The following CEP135 variants were observed in gnomAD, a reference collection of about 807,000 sequenced individuals.
CEP135 encodes centrosomal protein of 135 kDa.
Under a neutral mutation model 157.3 loss-of-function variants are expected in CEP135, and 142 were observed. The observed-to-expected ratio is 0.90, with a 90% CI of 0.79 to 1.04. CEP135 has a LOEUF of 1.04. Among genes scored for constraint, CEP135 ranks in the 50% least tolerant of loss-of-function variants. The pLI is 0.00. For synonymous variants in CEP135, 396 were observed against 439.8 expected, an observed-to-expected ratio of 0.90 and a Z score of 1.25; for missense variants, 1,317 against 1,309.2, an observed-to-expected ratio of 1.01 and a Z score of -0.09.
chr4:55,950,819 T>C (rs1030688531), intron 1 of CEP135, among the ~76,000 whole-genome samples: 2 of 152,172 alleles, frequency 1.3e-5, no homozygotes, highest in Admixed American at 6.5e-5. Context: ...AGTGTACTAT[T>C]TGAAAAGTAA....
At chr4:55,965,540 T>G (rs767544588) in intron 7 of CEP135, 104 bp from the exon 8 acceptor site, 47 of 759,810 alleles carry the variant, frequency 6.2e-5, no homozygotes, top group Non-Finnish European at 9.8e-5. Context: ...AGTTTTAATC[T>G]TCAATAATTT....
chr4:56,000,406 A>G (rs1321385512), intron 17 of CEP135, among the ~76,000 whole-genome samples: 1 of 152,072 alleles, frequency 6.6e-6, no homozygotes, highest in African/African-American at 2.4e-5. Context: ...AACTGGAGTC[A>G]CCCTATTGAT....
intron 11 of CEP135, among the ~76,000 whole-genome samples, chr4:55,977,400 G>A (rs950283766): frequency 2.0e-5 from 3 of 152,148 alleles, no homozygotes; most frequent in African/African-American, 7.2e-5. Context: ...CTTTGCAATT[G>A]GAGCCTAACA....
intron 10 of CEP135, among the ~76,000 whole-genome samples, chr4:55,973,280 G>C (rs58522560): frequency 6.6e-6 from 1 of 152,140 alleles, no homozygotes; most frequent in Admixed American, 6.5e-5. Context: ...ACTGCTCAGC[G>C]CTGTATGGAA....
chr4:55,953,394 G>A, intron 3 of CEP135, 119 bp downstream of exon 3: 1 of 718,574 alleles, frequency 1.4e-6, no homozygotes, highest in Admixed American at 3.8e-5. Context: ...CCTACAGCTG[G>A]ATGGTGTGTG....
intron 25 of CEP135, among the ~76,000 whole-genome samples, chr4:56,028,364 A>T (rs1731223066): frequency 1.3e-5 from 2 of 152,208 alleles, no homozygotes. Context: ...TGTTCTCCAC[A>T]TCGTCACCAA....
At chr4:55,952,987 G>C in intron 2 of CEP135, 98 bp from the exon 3 acceptor site, 1 of 995,176 alleles carries the variant, frequency 1.0e-6, no homozygotes, top group Admixed American at 3.6e-5. Context: ...GTCATCATGT[G>C]GTGCATGACT....
rs114342368 is a variant in CEP135, at chr4:55,998,033, G to A, written c.2010-1269G>A. On this transcript the variant is annotated intron_variant, in intron 15 of 25. Coordinates refer to ENST00000257287, the MANE Select transcript of CEP135 (RefSeq NM_025009.5). ...CATTCACTTGCTGTTAGAACAGTCA[G>A]GGTCATGTGTTTTGTCTTTCAGAAT... Among the ~76,000 whole-genome samples the A allele has an allele frequency of 2.8e-3, 432 of 152,266 alleles. 3 individuals carry two copies. The highest frequency in any genetic ancestry group is 9.8e-3 in the African/African-American group (407 of 41,546).
chr4:55,952,802 A>G (rs772181534), intron 2 of CEP135, among the ~76,000 whole-genome samples: 3 of 152,232 alleles, frequency 2.0e-5, no homozygotes, highest in Non-Finnish European at 4.4e-5. Flanking sequence ...AATTGTTAAC[A>G]CAGTGGTGCC....
intron 24 of CEP135, among the ~76,000 whole-genome samples, chr4:56,023,243 G>A (rs1458760582): frequency 2.0e-5 from 3 of 151,440 alleles, no homozygotes; most frequent in Non-Finnish European, 4.4e-5. Context: ...GAGAGAATTA[G>A]TAACCCTAGC....
chr4:55,971,383 A>T lies in CEP135; in HGVS notation c.1224A>T (p.Lys408Asn), dbSNP rs1202323114. The T allele has an allele frequency of 6.3e-6, 10 of 1,598,560 alleles. No individual in the cohort carries two copies. The highest frequency in any genetic ancestry group is 8.5e-6 in the Non-Finnish European group (10 of 1,175,154). Residue 408 changes from lysine to asparagine, a missense_variant, in exon 10 of 26, where the codon AAA becomes AAT. Transcript: ENST00000257287. ...QLEQEKQRLS[K>N]KVESFAVTER... ...AACAAGAAAAGCAAAGACTTAGCAAAAAAGTTGAAAGTTTTGCAGTTACAG... is the reference window on the plus strand; with the variant it reads ...AACAAGAAAAGCAAAGACTTAGCAATAAAGTTGAAAGTTTTGCAGTTACAG...
intron 24 of CEP135, among the ~76,000 whole-genome samples, chr4:56,023,400 C>T (rs974197429): frequency 6.6e-6 from 1 of 151,930 alleles, no homozygotes; most frequent in Non-Finnish European, 1.5e-5. Flanking sequence ...AAGGGTCTAG[C>T]ATCTGGGCAT....
intron 13 of CEP135, among the ~76,000 whole-genome samples, chr4:55,981,946 C>T (rs958252131): frequency 1.8e-4 from 28 of 152,126 alleles, no homozygotes; most frequent in African/African-American, 6.8e-4. Flanking sequence ...TCCACAGGCT[C>T]CTCAACTTAT....
chr4:55,952,764 G>A (rs1217615237), intron 2 of CEP135, among the ~76,000 whole-genome samples: 1 of 152,156 alleles, frequency 6.6e-6, no homozygotes, highest in East Asian at 1.9e-4. Context: ...AACCTGTATA[G>A]CATGTTACTA....
intron 7 of CEP135, chr4:55,964,795 C>G (rs918823981): frequency 1.3e-5 from 2 of 151,110 alleles, no homozygotes; most frequent in Non-Finnish European, 3.0e-5. Context: ...ATGGTTTTCT[C>G]TTTTTCTTTT....
intron 17 of CEP135, among the ~76,000 whole-genome samples, chr4:56,004,335 C>T (rs1449878470): frequency 1.3e-5 from 2 of 152,166 alleles, no homozygotes; most frequent in Non-Finnish European, 2.9e-5. Context: ...GAACTATGGT[C>T]TATTCTGTAG....
At chr4:55,972,264 A>G (rs1053945966) in intron 10 of CEP135, among the ~76,000 whole-genome samples, 2 of 152,332 alleles carry the variant, frequency 1.3e-5, no homozygotes, top group South Asian at 2.1e-4. Context: ...GTGGCAAACA[A>G]AATACATAAG....
chr4:56,030,509 G>A (rs975127322), intron 25 of CEP135, among the ~76,000 whole-genome samples: 2 of 152,204 alleles, frequency 1.3e-5, no homozygotes, highest in Non-Finnish European at 2.9e-5. Flanking sequence ...CTGGAGAGGT[G>A]CAGTGTGCCA....
intron 21 of CEP135, among the ~76,000 whole-genome samples, chr4:56,017,133 T>G (rs1447657542): frequency 2.6e-5 from 4 of 152,162 alleles, no homozygotes; most frequent in Non-Finnish European, 1.5e-5. Flanking sequence ...ATTTGAAATT[T>G]TTTTCATTAT....
Sources: gnomAD v4.1 joint callset for allele counts (sites outside exome capture counted in the v4.1 genomes callset) on GRCh38, gnomAD v4.1.1 for gene constraint, MANE v1.5 for transcripts, NCBI Gene and HGNC (gene_info 2026-07-23, HGNC 2026-07-21) for gene names.